The following KIF6 variants were observed in gnomAD, a reference collection of about 807,000 sequenced individuals.
KIF6 encodes kinesin-like protein KIF6.
Under a neutral mutation model 112.7 loss-of-function variants are expected in KIF6, and 106 were observed. That is an observed-to-expected ratio of 0.94 (90% CI 0.80 to 1.11). The LOEUF is 1.11. Among genes scored for constraint, KIF6 ranks in the 50% least tolerant of loss-of-function variants. The pLI, the probability that KIF6 is intolerant of heterozygous loss-of-function variation, is 0.00. For synonymous variants in KIF6, 339 were observed against 339.9 expected, an observed-to-expected ratio of 1.00 and a Z score of 0.03; for missense variants, 929 against 964.0, an observed-to-expected ratio of 0.96 and a Z score of 0.48.
chr6:39,455,620 G>T (rs1773028078), intron 13 of KIF6, among the ~76,000 whole-genome samples: 1 of 147,662 alleles, frequency 6.8e-6, no homozygotes, highest in Non-Finnish European at 1.5e-5. Context: ...TGAAAACTTT[G>T]AAAAAAATTT....
chr6:39,419,187 C>T (rs1029271757), intron 15 of KIF6, among the ~76,000 whole-genome samples: 2 of 151,870 alleles, frequency 1.3e-5, no homozygotes, highest in Non-Finnish European at 2.9e-5. Flanking sequence ...AACCCCATCT[C>T]TACTAAAATC....
chr6:39,407,651 C>T (rs1486870969), intron 15 of KIF6, among the ~76,000 whole-genome samples: 2 of 152,216 alleles, frequency 1.3e-5, no homozygotes, highest in African/African-American at 4.8e-5. Flanking sequence ...TAAAATCAGT[C>T]TTTACCTCAT....
intron 15 of KIF6, among the ~76,000 whole-genome samples, chr6:39,393,479 T>C (rs1478098607): frequency 6.6e-6 from 1 of 152,048 alleles, no homozygotes; most frequent in Admixed American, 6.6e-5. Flanking sequence ...ATAAAAACTG[T>C]GTAAGTGTGA....
At chr6:39,522,472 C>T (rs1482128387) in intron 13 of KIF6, among the ~76,000 whole-genome samples, 1 of 152,214 alleles carries the variant, frequency 6.6e-6, no homozygotes. Flanking sequence ...CATTTAACAA[C>T]TCTAGCCTCA....
chr6:39,596,465 G>C (rs1782276306), intron 6 of KIF6, among the ~76,000 whole-genome samples: 1 of 152,092 alleles, frequency 6.6e-6, no homozygotes. Context: ...AATGTGGATG[G>C]GTTGATTCAG....
Position 39,334,261 on chromosome 6 carries a change from G to A in KIF6, c.*2271C>T, listed in dbSNP as rs1762835395. On this transcript the variant is annotated 3_prime_UTR_variant, in exon 23 of 23. Transcript: ENST00000287152. The stretch of plus-strand genomic sequence containing the variant: ...GTCAGTAAGGCCTTTGGATCCAGGA[G>A]ATGATGTCTCAGTGGGAGATCTAAT... The A allele has an allele frequency of 6.6e-6, 1 of 152,274 alleles. No individual in the cohort carries two copies. Among genetic ancestry groups the A allele is most frequent in the East Asian group, 1.9e-4 (1 of 5,194 alleles). The allele number at this position is 152,274 out of a possible 1,614,324, so 9.4% of individuals were successfully genotyped here.
intron 22 of KIF6, among the ~76,000 whole-genome samples, chr6:39,337,214 T>TC (rs1763056504): frequency 1.8e-5 from 2 of 112,308 alleles, no homozygotes; most frequent in African/African-American, 5.9e-5. Context: ...TTTCTTTCTT[T>TC]CTTTCTTTCT....
chr6:39,578,956 CA>C lies in KIF6; in HGVS notation c.1078-798del, dbSNP rs750666219. The stretch of plus-strand genomic sequence containing the variant: ...TAATTTTCATGGATATATAGTATTT[CA>C]GTAAAGGAATATATCAGAATCTATT... On this transcript the variant is annotated intron_variant, in intron 9 of 22. Coordinates refer to ENST00000287152, the MANE Select transcript of KIF6 (RefSeq NM_145027.6). 5.0e-4 allele frequency among the ~76,000 whole-genome samples: 76 copies of C among 152,228 alleles called. 1 individual carries two copies. The highest frequency in any genetic ancestry group is 3.7e-3 in the Admixed American group (56 of 15,294).
chr6:39,632,588 CAAAA>C (rs35217887), intron 5 of KIF6, among the ~76,000 whole-genome samples: 1 of 141,174 alleles, frequency 7.1e-6, no homozygotes, highest in African/African-American at 2.6e-5. Context: ...CCAAGTACAG[CAAAA>C]AAAAAAAAAT....
intron 5 of KIF6, among the ~76,000 whole-genome samples, chr6:39,625,029 A>G (rs1284824372): frequency 1.5e-5 from 2 of 131,848 alleles, no homozygotes; most frequent in African/African-American, 2.9e-5. Flanking sequence ...TATCCTTATA[A>G]GAAGAGCTCT....
intron 6 of KIF6, among the ~76,000 whole-genome samples, chr6:39,612,356 G>A (rs532711271): frequency 2.0e-5 from 3 of 152,108 alleles, no homozygotes; most frequent in Admixed American, 6.6e-5. Flanking sequence ...ACAGTAAGCT[G>A]TTCATTTGGG....
rs1378345027 is a variant in KIF6 at position 39,343,458 on chromosome 6, C to T, written c.2428+251G>A. The T allele has an allele frequency of 6.9e-7, 1 of 1,454,962 alleles. No homozygotes were observed. The highest frequency in any genetic ancestry group is 1.2e-5 in the South Asian group (1 of 82,488). The allele number at this position is 1,454,962 out of a possible 1,614,324, so 90.1% of individuals were successfully genotyped here. On this transcript the variant is annotated intron_variant, in intron 22 of 22. Transcript: ENST00000287152. This position sits in a 1 kb window ranked among gnomAD's most constrained non-coding sequence, Gnocchi z 4.1. ...AGATCTGGAAGAGACAGAGAGCAAG[C>T]TCTGCCAAGAGGGACAGGAGCACCT...
At chr6:39,341,476 A>G (rs1222561834) in intron 22 of KIF6, among the ~76,000 whole-genome samples, 9 of 152,272 alleles carry the variant, frequency 5.9e-5, no homozygotes, top group African/African-American at 2.2e-4. Context: ...TGTTCTCAGC[A>G]ATTTGAATAC....
chr6:39,493,710 A>G (rs1775613858), intron 13 of KIF6, among the ~76,000 whole-genome samples: 1 of 152,246 alleles, frequency 6.6e-6, no homozygotes, highest in South Asian at 2.1e-4. Flanking sequence ...TTTTCCAAAC[A>G]GAATATTTTT....
intron 3 of KIF6, among the ~76,000 whole-genome samples, chr6:39,657,990 TA>T (rs986305530): frequency 2.6e-4 from 40 of 152,342 alleles, no homozygotes; most frequent in African/African-American, 9.4e-4. Context: ...AGCATCTGTC[TA>T]GCAGACTTGT....
chr6:39,346,577 G>T, intron 19 of KIF6, 51 bp from the exon 20 acceptor site: 1 of 668,332 alleles, frequency 1.5e-6, no homozygotes, highest in Non-Finnish European at 2.7e-6. Flanking sequence ...ATAGTATTTT[G>T]TTATAGCAGC....
chr6:39,392,176 T>G (rs1767949586), intron 15 of KIF6, among the ~76,000 whole-genome samples: 1 of 152,126 alleles, frequency 6.6e-6, no homozygotes, highest in Non-Finnish European at 1.5e-5. Flanking sequence ...TCTTACTTAT[T>G]TATTAGTACT....
chr6:39,410,214 G>A lies in KIF6; in HGVS notation c.1810+9734C>T, dbSNP rs141361399. Reference sequence around the variant, plus strand: ...GATATCTAGATAATAATATCTGCTGGCAAAGTTATTTTTGAAATACTTGAA... The same window carrying A: ...GATATCTAGATAATAATATCTGCTGACAAAGTTATTTTTGAAATACTTGAA... On this transcript the variant is annotated intron_variant, in intron 15 of 22. Transcript: ENST00000287152. 7.2e-5 allele frequency among the ~76,000 whole-genome samples: 11 copies of A among 152,274 alleles called. No individual in the cohort carries two copies. The East Asian group carries it at 2.1e-3, about 29-fold the overall frequency.
chr6:39,517,361 G>A (rs866313492), intron 13 of KIF6, among the ~76,000 whole-genome samples: 124 of 152,326 alleles, frequency 8.1e-4, no homozygotes, highest in African/African-American at 2.7e-3. Flanking sequence ...AACATTGGTT[G>A]TAGTTGAGTC....
Sources: allele counts gnomAD v4.1 joint callset (sites outside exome capture counted in the v4.1 genomes callset), GRCh38; gene constraint gnomAD v4.1.1; non-coding constraint Gnocchi (gnomAD v3.1); transcripts MANE v1.5; gene names NCBI Gene and HGNC (gene_info 2026-07-23, HGNC 2026-07-21).